The following CYP19A1 variants were observed in gnomAD, a reference collection of about 807,000 sequenced individuals.
CYP19A1 encodes aromatase.
CYP19A1 carries 32 observed loss-of-function variants against 44.4 expected under a neutral mutation model. The observed-to-expected ratio is 0.72, with a 90% CI of 0.54 to 0.97. CYP19A1 has a LOEUF of 0.97. Among genes scored for constraint, CYP19A1 ranks in the 50% least tolerant of loss-of-function variants. The probability of loss-of-function intolerance (pLI) is 0.00; values close to 1 mark genes in which losing one functional copy is unlikely to be tolerated. For missense variants in CYP19A1, 598 were observed against 637.8 expected (o/e 0.94, Z 0.67); for synonymous variants, 212 against 215.6 (o/e 0.98, Z 0.14).
chr15:51,218,636 T>A lies in CYP19A1; in HGVS notation c.648A>T (p.Lys216Asn), dbSNP rs1442800999. 1 of 1,613,428 alleles carries A rather than the reference T, an allele frequency of 6.2e-7. No homozygotes were observed. Among genetic ancestry groups the A allele is most frequent in the East Asian group, 2.2e-5 (1 of 44,826 alleles). The change falls in exon 6 of 10, where the codon AAA (lysine) becomes AAT (asparagine). Residue 216 changes from lysine to asparagine, a missense_variant. Coordinates refer to ENST00000396402, the MANE Select transcript of CYP19A1 (RefSeq NM_000103.4). ...IPLDESAIVV[K>N]IQGYFDAWQA... Reference sequence around the variant, plus strand: ...GCCATGCATCAAAATAACCTTGGATTTTAACCACGATAGCACTTTCTGTAG... The same window carrying A: ...GCCATGCATCAAAATAACCTTGGATATTAACCACGATAGCACTTTCTGTAG...
rs139266204 is a variant in CYP19A1 at position 51,295,422 on chromosome 15, T to A, written c.-39+43073A>T. Reference sequence around the variant, plus strand: ...AGCCTGTCATTCCTCTCTATGGAGTTACTGCCAGATTGCCTTGCCTCACTG... The same window carrying A: ...AGCCTGTCATTCCTCTCTATGGAGTAACTGCCAGATTGCCTTGCCTCACTG... On this transcript the variant is annotated intron_variant, in intron 1 of 9. Coordinates refer to ENST00000396402, the MANE Select transcript of CYP19A1 (RefSeq NM_000103.4). 2.0e-4 allele frequency among the ~76,000 whole-genome samples: 31 copies of A among 152,278 alleles called. No individual in the cohort carries two copies. The East Asian group carries it at 4.0e-3, about 20-fold the overall frequency.
chr15:51,335,036 G>T (rs1315263837), intron 1 of CYP19A1, among the ~76,000 whole-genome samples: 1 of 152,178 alleles, frequency 6.6e-6, no homozygotes, highest in Non-Finnish European at 1.5e-5. Context: ...GCCCAATCCT[G>T]CTTCTCCTTC....
intron 1 of CYP19A1, among the ~76,000 whole-genome samples, chr15:51,259,306 C>T (rs923828452): frequency 2.6e-5 from 4 of 152,162 alleles, no homozygotes; most frequent in Admixed American, 6.5e-5. Flanking sequence ...CTGGCATACA[C>T]TACATTTATA....
At chr15:51,235,382 C>A (rs1595701593) in intron 3 of CYP19A1, among the ~76,000 whole-genome samples, 1 of 152,302 alleles carries the variant, frequency 6.6e-6, no homozygotes, top group Non-Finnish European at 1.5e-5. Flanking sequence ...ACGTGCATTG[C>A]TAACAAGTTC....
At chr15:51,265,148 C>T (rs926475846) in intron 1 of CYP19A1, among the ~76,000 whole-genome samples, 5 of 152,222 alleles carry the variant, frequency 3.3e-5, no homozygotes, top group African/African-American at 7.2e-5. Context: ...CACACTGCCC[C>T]GTTTGGGCCT....
chr15:51,232,410 G>T (rs1412852005), intron 3 of CYP19A1, among the ~76,000 whole-genome samples: 1 of 151,852 alleles, frequency 6.6e-6, no homozygotes, highest in Non-Finnish European at 1.5e-5. Flanking sequence ...TTCTCTTCTC[G>T]GTCTAGCTGC....
intron 2 of CYP19A1, among the ~76,000 whole-genome samples, chr15:51,239,032 AC>A (rs141487647): frequency 0.019 from 2,888 of 152,170 alleles, 112 homozygotes; most frequent in African/African-American, 0.067. Flanking sequence ...CCTTCTACCC[AC>A]CCTCCAGCTG....
intron 1 of CYP19A1, among the ~76,000 whole-genome samples, chr15:51,244,890 G>C (rs2033980354): frequency 6.6e-6 from 1 of 152,220 alleles, no homozygotes; most frequent in African/African-American, 2.4e-5. Context: ...AGTATCGTAA[G>C]TTATGCAAAG....
At chr15:51,305,292 G>A (rs2036194275) in intron 1 of CYP19A1, among the ~76,000 whole-genome samples, 1 of 152,204 alleles carries the variant, frequency 6.6e-6, no homozygotes, top group Non-Finnish European at 1.5e-5. Flanking sequence ...CCTGAGTATA[G>A]AATTGTGAGG....
At position 51,212,287 on chromosome 15, in the gene CYP19A1, G is replaced by C. The variant is rs751497432; in HGVS notation, c.1263+33C>G. On this transcript the variant is annotated intron_variant, in intron 9 of 9. Coordinates refer to ENST00000396402, the MANE Select transcript of CYP19A1 (RefSeq NM_000103.4). ...GATTTAACAGTTGACATTTTCAAGA[G>C]TGGCACACTCAGTTTTAAGGAAGGG... is the stretch of plus-strand genomic sequence containing the variant. 7 of 1,448,188 alleles carry C rather than the reference G, an allele frequency of 4.8e-6. No homozygotes were observed. In the African/African-American group the frequency reaches 8.4e-5, roughly 17 times the overall value. The allele number at this position is 1,448,188 out of a possible 1,614,324, so 89.7% of individuals were successfully genotyped here.
intron 1 of CYP19A1, among the ~76,000 whole-genome samples, chr15:51,330,493 C>T (rs568995200): frequency 6.6e-6 from 1 of 152,252 alleles, no homozygotes; most frequent in African/African-American, 2.4e-5. Context: ...TGATATGGTA[C>T]CTTCTTCTGT....
intron 1 of CYP19A1, among the ~76,000 whole-genome samples, chr15:51,245,156 G>T (rs945245559): frequency 2.0e-5 from 3 of 152,098 alleles, no homozygotes; most frequent in African/African-American, 4.8e-5. Flanking sequence ...CACGGTTTTA[G>T]CTTGCATGGT....
chr15:51,271,043 AT>A (rs34447493), intron 1 of CYP19A1, among the ~76,000 whole-genome samples: 65,317 of 148,568 alleles, frequency 0.44, 14,182 homozygotes, highest in East Asian at 0.48. Flanking sequence ...AAGTCTAAGC[AT>A]TTTTTTTTTT....
At chr15:51,315,272 C>T (rs1489030882) in intron 1 of CYP19A1, among the ~76,000 whole-genome samples, 2 of 152,190 alleles carry the variant, frequency 1.3e-5, no homozygotes, top group African/African-American at 4.8e-5. Flanking sequence ...TGCACATTCT[C>T]TCCATGGGGA....
At chr15:51,272,386 A>G (rs867940469) in intron 1 of CYP19A1, among the ~76,000 whole-genome samples, 6 of 152,202 alleles carry the variant, frequency 3.9e-5, no homozygotes, top group Middle Eastern at 3.2e-3. Flanking sequence ...TAGCACCAGC[A>G]TCTAGACCAG....
At chr15:51,291,633 A>G (rs2035848905) in intron 1 of CYP19A1, among the ~76,000 whole-genome samples, 1 of 152,236 alleles carries the variant, frequency 6.6e-6, no homozygotes, top group South Asian at 2.1e-4. Context: ...GGAAGATGAC[A>G]GCCTTGAACA....
At chr15:51,238,178 C>A (rs2033527915) in intron 2 of CYP19A1, among the ~76,000 whole-genome samples, 1 of 152,124 alleles carries the variant, frequency 6.6e-6, no homozygotes, top group East Asian at 1.9e-4. Context: ...ACCTACAGAA[C>A]CAAAATATGG....
At chr15:51,318,743 G>A (rs547308226) in intron 1 of CYP19A1, 1 of 152,272 alleles carries the variant, frequency 6.6e-6, no homozygotes, top group African/African-American at 2.4e-5. Flanking sequence ...TCCTGACTGT[G>A]GCTGTCATGG....
At chr15:51,331,139 TGGAGATCAAAACGTCAGCTTTATTA>T (rs893186762) in intron 1 of CYP19A1, among the ~76,000 whole-genome samples, 76 of 152,222 alleles carry the variant, frequency 5.0e-4, no homozygotes, top group African/African-American at 1.3e-3. Flanking sequence ...GCAAGGCAGA[TGGAGATCAAAACGTCAGCTTTATTA>T]GGGATAAAGC....
Sources: allele counts gnomAD v4.1 joint callset (sites outside exome capture counted in the v4.1 genomes callset), GRCh38; gene constraint gnomAD v4.1.1; transcripts MANE v1.5; gene names NCBI Gene and HGNC (gene_info 2026-07-23, HGNC 2026-07-21).